The following NALCN variants were observed in gnomAD, a reference collection of about 807,000 sequenced individuals.
The protein encoded by NALCN is sodium leak channel, non-selective, also known as sodium leak channel NALCN.
Under a neutral mutation model 225.3 loss-of-function variants are expected in NALCN, and 111 were observed. The observed-to-expected ratio is 0.49, with a 90% confidence interval of 0.42 to 0.58. The LOEUF is 0.58. Ranked by LOEUF, NALCN falls within the 20% of genes least tolerant of loss-of-function variation. The probability of loss-of-function intolerance (pLI) is 0.00; values close to 1 mark genes in which losing one functional copy is unlikely to be tolerated. For synonymous variants in NALCN, 764 were observed against 769.0 expected (o/e 0.99, Z 0.11); for missense variants, 1,378 against 2,202.4 (o/e 0.63, Z 7.49).
chr13:101,198,517 G>T (rs2039981327), intron 13 of NALCN, among the ~76,000 whole-genome samples: 1 of 152,186 alleles, frequency 6.6e-6, no homozygotes, highest in South Asian at 2.1e-4. Context: ...AGACATTTAT[G>T]CAGCCAACAG....
rs2043421696 is a variant in NALCN at position 101,288,415 on chromosome 13, T to G, written c.1047+3575A>C. 2.0e-5 allele frequency among the ~76,000 whole-genome samples: 3 copies of G among 152,248 alleles called. No homozygotes were observed. The South Asian group carries it at 6.2e-4, about 31-fold the overall frequency. ...TTTGGAGGAGAAATTCTTTCCATTT[T>G]GGATCATGTGTCTTTTCATCCATTT... On this transcript the variant is annotated intron_variant, in intron 9 of 43. Coordinates refer to ENST00000251127, the MANE Select transcript of NALCN (RefSeq NM_052867.4).
chr13:101,141,763 G>C (rs1356414132), intron 17 of NALCN, among the ~76,000 whole-genome samples: 1 of 152,108 alleles, frequency 6.6e-6, no homozygotes, highest in East Asian at 1.9e-4. Context: ...AGAAAGCGGA[G>C]AGAAAGAAGA....
intron 1 of NALCN, among the ~76,000 whole-genome samples, chr13:101,405,316 C>A (rs1235668280): frequency 6.6e-6 from 1 of 152,200 alleles, no homozygotes; most frequent in Non-Finnish European, 1.5e-5. Context: ...ATGAATGTAG[C>A]ATCATACATT....
Position 101,075,931 on chromosome 13 carries a change from G to A in NALCN, c.3896C>T (p.Thr1299Ile), listed in dbSNP as rs768279312. Residue 1299 changes from threonine to isoleucine, a missense_variant, in exon 35 of 44, where the codon ACT becomes ATT. Coordinates refer to ENST00000251127, the MANE Select transcript of NALCN (RefSeq NM_052867.4). ...AATCACACAAGCGCCCATCATGTAA[G>A]TATATGCATTCTGAAATTTAAACAG... The part of the protein sequence containing the change: ...VLHFALLNAY[T>I]YMMGACVIVF... 1.6e-5 allele frequency: 25 copies of A among 1,607,960 alleles called. No individual in the cohort carries two copies. The South Asian group carries it at 1.8e-4, about 12-fold the overall frequency.
At chr13:101,057,908 GA>G in intron 43 of NALCN, 30 bp downstream of exon 43, 7 of 1,544,248 alleles carry the variant, frequency 4.5e-6, no homozygotes, top group Middle Eastern at 1.7e-4. Flanking sequence ...AAAATGCCTC[GA>G]TCGCTGGAGA....
chr13:101,274,487 T>G (rs1852070872), intron 10 of NALCN, among the ~76,000 whole-genome samples: 1 of 152,202 alleles, frequency 6.6e-6, no homozygotes, highest in Admixed American at 6.5e-5. Flanking sequence ...GTACCTACCT[T>G]TATGGTGCTG....
rs112160555 is a variant in NALCN, at chr13:101,070,461, C to T, written c.4198-1634G>A. On this transcript the variant is annotated intron_variant, in intron 37 of 43. Coordinates refer to ENST00000251127, the MANE Select transcript of NALCN (RefSeq NM_052867.4). ...CCATCAGAGCAATCACTATCTATGG[C>T]AGCTATTAGCCTTATGAAATCTATT... Among the ~76,000 whole-genome samples the T allele has an allele frequency of 3.2e-3, 488 of 152,266 alleles. 3 individuals are homozygous for T. The highest frequency in any genetic ancestry group is 0.011 in the African/African-American group (462 of 41,544).
chr13:101,273,940 C>A (rs2042889671), intron 10 of NALCN, among the ~76,000 whole-genome samples: 1 of 148,070 alleles, frequency 6.8e-6, no homozygotes, highest in Admixed American at 6.7e-5. Flanking sequence ...TAAAAATGTT[C>A]AACATCCATT....
Position 101,110,591 on chromosome 13 carries a change from G to A in NALCN, c.2364+28C>T, listed in dbSNP as rs961086461. 9 of 1,611,330 alleles carry A rather than the reference G, an allele frequency of 5.6e-6. No homozygotes were observed. The Admixed American group carries it at 1.2e-4, about 21-fold the overall frequency. On this transcript the variant is annotated intron_variant, in intron 20 of 43. Coordinates refer to ENST00000251127, the MANE Select transcript of NALCN (RefSeq NM_052867.4). Reference sequence around the variant, plus strand: ...AATACATTTTCATAATCACGTTTCTGAAATCCAAAGCATTGCTTAAAACTT... The same window carrying A: ...AATACATTTTCATAATCACGTTTCTAAAATCCAAAGCATTGCTTAAAACTT...
intron 22 of NALCN, among the ~76,000 whole-genome samples, chr13:101,106,772 C>T (rs565567442): frequency 1.4e-3 from 220 of 152,312 alleles, no homozygotes; most frequent in African/African-American, 5.0e-3. Context: ...AAAGGCTTCC[C>T]CAGCCACTTG....
rs77473660 is a variant in NALCN at position 101,121,398 on chromosome 13, C to A, written c.2192+3210G>T. Among the ~76,000 whole-genome samples the A allele has an allele frequency of 7.8e-3, 1,181 of 152,230 alleles. 27 individuals are homozygous for A. Among genetic ancestry groups the A allele is most frequent in the African/African-American group, 0.027 (1,124 of 41,542 alleles). On this transcript the variant is annotated intron_variant, in intron 18 of 43. Coordinates refer to ENST00000251127, the MANE Select transcript of NALCN (RefSeq NM_052867.4). ...TAATATTTCATAAAAACTTCCTATTCTTATATCACTCTGGATTTAAGGTTT... is the reference window on the plus strand; with the variant it reads ...TAATATTTCATAAAAACTTCCTATTATTATATCACTCTGGATTTAAGGTTT...
intron 14 of NALCN, among the ~76,000 whole-genome samples, chr13:101,180,026 G>C (rs932889145): frequency 2.0e-5 from 3 of 151,968 alleles, no homozygotes; most frequent in Admixed American, 1.3e-4. Context: ...AAGGACGCTT[G>C]TCATTGGACT....
chr13:101,306,789 G>C (rs137865157), intron 7 of NALCN, among the ~76,000 whole-genome samples: 1 of 152,192 alleles, frequency 6.6e-6, no homozygotes, highest in Non-Finnish European at 1.5e-5. Flanking sequence ...TGCTAAGGTC[G>C]CATGGCAAGG....
intron 10 of NALCN, among the ~76,000 whole-genome samples, chr13:101,272,673 G>A (rs1301027771): frequency 6.6e-6 from 1 of 152,142 alleles, no homozygotes; most frequent in African/African-American, 2.4e-5. Flanking sequence ...AAAAGGAGAA[G>A]CATAATGGGT....
chr13:101,193,526 C>T (rs1429666227), intron 13 of NALCN, among the ~76,000 whole-genome samples: 1 of 152,022 alleles, frequency 6.6e-6, no homozygotes, highest in Admixed American at 6.5e-5. Flanking sequence ...TTATTTTTAC[C>T]TTGAGTTGAT....
At chr13:101,231,557 A>G (rs2041349585) in intron 12 of NALCN, among the ~76,000 whole-genome samples, 1 of 152,252 alleles carries the variant, frequency 6.6e-6, no homozygotes, top group South Asian at 2.1e-4. Flanking sequence ...TGCCAATTAA[A>G]GTATAACACA....
At chr13:101,224,464 A>C (rs1322930210) in intron 13 of NALCN, among the ~76,000 whole-genome samples, 1 of 152,118 alleles carries the variant, frequency 6.6e-6, no homozygotes, top group African/African-American at 2.4e-5. Flanking sequence ...CAACCTCACC[A>C]ATAAAACCAC....
At chr13:101,209,457 CT>C (rs1483933876) in intron 13 of NALCN, among the ~76,000 whole-genome samples, 1 of 151,950 alleles carries the variant, frequency 6.6e-6, no homozygotes, top group Non-Finnish European at 1.5e-5. Context: ...CATGATGAGC[CT>C]TTTAGGTTTT....
At chr13:101,344,393 C>A (rs115440149) in intron 7 of NALCN, among the ~76,000 whole-genome samples, 1 of 151,938 alleles carries the variant, frequency 6.6e-6, no homozygotes, top group Non-Finnish European at 1.5e-5. Context: ...AGATGAAAAC[C>A]TGAGATGTTA....
Sources: allele counts gnomAD v4.1 joint callset (sites outside exome capture counted in the v4.1 genomes callset), GRCh38; gene constraint gnomAD v4.1.1; transcripts MANE v1.5; gene names NCBI Gene and HGNC (gene_info 2026-07-23, HGNC 2026-07-21).